The following PPP2R2C variants were observed in gnomAD, a reference collection of about 807,000 sequenced individuals.
The protein encoded by PPP2R2C is protein phosphatase 2, regulatory subunit B, gamma.
PPP2R2C carries 10 observed loss-of-function variants against 45.3 expected under a neutral mutation model. The observed-to-expected ratio is 0.22, with a 90% CI of 0.14 to 0.37. PPP2R2C has a LOEUF of 0.37. Among genes scored for constraint, PPP2R2C ranks in the 10% least tolerant of loss-of-function variants. The pLI is 1.00. For synonymous variants in PPP2R2C, 257 were observed against 245.4 expected (o/e 1.05, Z -0.44); for missense variants, 308 against 619.7 (o/e 0.50, Z 5.34).
At chr4:6,439,888 C>T (rs1479528677) in intron 1 of PPP2R2C, among the ~76,000 whole-genome samples, 2 of 152,202 alleles carry the variant, frequency 1.3e-5, no homozygotes, top group Non-Finnish European at 2.9e-5. Context: ...TCTTGCAACA[C>T]CATTCCTTTT....
intron 1 of PPP2R2C, among the ~76,000 whole-genome samples, chr4:6,450,519 G>A (rs1050140002): frequency 1.3e-5 from 2 of 152,152 alleles, no homozygotes; most frequent in Non-Finnish European, 2.9e-5. Context: ...AGCTCGGGGG[G>A]TTCCAGCCCC....
At chr4:6,543,051 C>T (rs972820869) in intron 1 of PPP2R2C, among the ~76,000 whole-genome samples, 4 of 121,832 alleles carry the variant, frequency 3.3e-5, no homozygotes, top group Admixed American at 7.7e-5. Context: ...CACCCAGACG[C>T]CCCGCAAGGA....
At chr4:6,514,962 C>T (rs1723786297) in intron 2 of PPP2R2C, among the ~76,000 whole-genome samples, 2 of 152,054 alleles carry the variant, frequency 1.3e-5, no homozygotes, top group South Asian at 4.1e-4. Flanking sequence ...CCTGGTATGA[C>T]TGTGTCTCTT....
chr4:6,490,364 C>A (rs1722661461), intron 2 of PPP2R2C, among the ~76,000 whole-genome samples: 1 of 152,238 alleles, frequency 6.6e-6, no homozygotes, highest in Non-Finnish European at 1.5e-5. Flanking sequence ...CATGACACTT[C>A]CTTCATGGAG....
chr4:6,500,788 C>A (rs778085711), intron 2 of PPP2R2C, among the ~76,000 whole-genome samples: 26 of 152,238 alleles, frequency 1.7e-4, no homozygotes, highest in Non-Finnish European at 3.7e-4. Flanking sequence ...TTCAAACACC[C>A]TGAAGCTGGG....
At chr4:6,531,715 G>A (rs552288589) in intron 2 of PPP2R2C, among the ~76,000 whole-genome samples, 1 of 152,226 alleles carries the variant, frequency 6.6e-6, no homozygotes, top group Non-Finnish European at 1.5e-5. Context: ...ATTAGGGGGC[G>A]AAGTTACTGT....
intron 1 of PPP2R2C, among the ~76,000 whole-genome samples, chr4:6,439,284 C>T (rs1210023619): frequency 1.3e-5 from 2 of 152,192 alleles, no homozygotes; most frequent in Non-Finnish European, 2.9e-5. Context: ...TTAGATTTAT[C>T]ATAAATGCAA....
chr4:6,462,570 G>C (rs976549293), intron 1 of PPP2R2C, among the ~76,000 whole-genome samples: 7 of 152,248 alleles, frequency 4.6e-5, no homozygotes, highest in Non-Finnish European at 8.8e-5. Context: ...GAAAAGACAA[G>C]AGACAGAACA....
chr4:6,546,958 G>C (rs1300055183), intron 1 of PPP2R2C, among the ~76,000 whole-genome samples: 1 of 152,200 alleles, frequency 6.6e-6, no homozygotes, highest in Non-Finnish European at 1.5e-5. Flanking sequence ...AAGAGCAACA[G>C]CTAACGGCCC....
chr4:6,329,645 G>A lies in PPP2R2C; in HGVS notation c.961-292C>T, dbSNP rs1043099931. Among the ~76,000 whole-genome samples, 4 of 135,662 alleles carry A rather than the reference G, an allele frequency of 2.9e-5. No homozygotes were observed. The highest frequency in any genetic ancestry group is 2.0e-4 in the East Asian group (1 of 5,078). 89.0% of individuals were successfully genotyped at this position (135,662 alleles called of 152,430 possible). A position where few individuals can be genotyped will look rare whatever the true frequency, so the allele number is the denominator to read the frequency against. On this transcript the variant is annotated intron_variant, in intron 7 of 8. Coordinates refer to ENST00000382599, the MANE Select transcript of PPP2R2C (RefSeq NM_020416.4). This position sits in a 1 kb window ranked among gnomAD's most constrained non-coding sequence, Gnocchi z 5.8. ...ACCAGGCACACGGCTGACCTCCACCGTGACACAGCCCAATACAGCCCTGCT... is the reference window on the plus strand; with the variant it reads ...ACCAGGCACACGGCTGACCTCCACCATGACACAGCCCAATACAGCCCTGCT...
At position 6,508,227 on chromosome 4, in the gene PPP2R2C, C is replaced by T. The variant is rs141581753; in HGVS notation, c.49+27044G>A. 8.9e-4 allele frequency among the ~76,000 whole-genome samples: 136 copies of T among 152,300 alleles called. 1 individual carries two copies. Among genetic ancestry groups the T allele is most frequent in the African/African-American group, 2.9e-3 (122 of 41,564 alleles). On this transcript the variant is annotated intron_variant, in intron 2 of 9. Coordinates refer to the PPP2R2C transcript ENST00000506140. ...AGGTGATGGTCAGGCGGTTATTAAA[C>T]GGTCTCTCTAAAATAATAATTGGTT...
intron 5 of PPP2R2C, chr4:6,349,637 G>A (rs758304237): frequency 4.0e-5 from 38 of 939,418 alleles, no homozygotes; most frequent in Non-Finnish European, 4.6e-5. Context: ...TCAGGAGATC[G>A]AGACCATTCT....
chr4:6,375,959 G>C (rs535466366), intron 3 of PPP2R2C, 28 bp from the exon 4 acceptor site: 1 of 1,571,316 alleles, frequency 6.4e-7, no homozygotes, highest in Non-Finnish European at 8.7e-7. Context: ...AATAAAGCGA[G>C]TCACATAATT....
chr4:6,353,128 C>G (rs891110068), intron 5 of PPP2R2C, among the ~76,000 whole-genome samples: 6 of 152,020 alleles, frequency 3.9e-5, no homozygotes, highest in African/African-American at 1.5e-4. Flanking sequence ...GAGAATATAT[C>G]TGTATTTTGA....
At chr4:6,533,628 T>C (rs1234737263) in intron 2 of PPP2R2C, among the ~76,000 whole-genome samples, 5 of 152,200 alleles carry the variant, frequency 3.3e-5, no homozygotes, top group Non-Finnish European at 7.3e-5. Context: ...AAGTCTGCAG[T>C]TGACATTGCC....
At chr4:6,539,953 C>G (rs1353551315) in intron 1 of PPP2R2C, among the ~76,000 whole-genome samples, 1 of 152,210 alleles carries the variant, frequency 6.6e-6, no homozygotes, top group East Asian at 1.9e-4. Context: ...ACGTGGCCAC[C>G]TGCCCCAGGC....
intron 1 of PPP2R2C, among the ~76,000 whole-genome samples, chr4:6,446,423 A>G (rs1720422099): frequency 6.6e-6 from 1 of 152,138 alleles, no homozygotes; most frequent in African/African-American, 2.4e-5. Flanking sequence ...AGGGGCAGCC[A>G]GGCCACGGGG....
rs10009382 is a variant in PPP2R2C at position 6,530,893 on chromosome 4, T to A, written c.49+4378A>T. ...AGGGTGGTTCTCCACCAGGCTGCTG[T>A]GCACCTGTCACAGTGAGGCCCCAAA... is the stretch of plus-strand genomic sequence containing the variant. On this transcript the variant is annotated intron_variant, in intron 2 of 9. Transcript: ENST00000506140. 7.9e-5 allele frequency among the ~76,000 whole-genome samples: 12 copies of A among 152,294 alleles called. No individual in the cohort carries two copies. The South Asian group carries it at 2.5e-3, about 32-fold the overall frequency.
chr4:6,381,064 T>C lies in PPP2R2C; in HGVS notation c.101A>G (p.His34Arg). Residue 34 changes from histidine (H) to arginine (R), a missense_variant, in exon 2 of 9, where the codon CAC (histidine) becomes CGC (arginine). His to Arg is a conservative substitution (Grantham distance 29, BLOSUM62 0). Coordinates refer to ENST00000382599, the MANE Select transcript of PPP2R2C (RefSeq NM_020416.4). ...ACCTGTGGCCAGCAGCTCTCCCGTG[T>C]GGTTGAACTCAACGGTAGAGATGAT... is the stretch of plus-strand genomic sequence containing the variant. ...ADIISTVEFN[H>R]TGELLATGDK... is the part of the protein sequence containing the mutation. 6.3e-7 allele frequency: 1 copy of C among 1,595,810 alleles called. No individual in the cohort carries two copies.
Sources: allele counts gnomAD v4.1 joint callset (sites outside exome capture counted in the v4.1 genomes callset), GRCh38; gene constraint gnomAD v4.1.1; non-coding constraint Gnocchi (gnomAD v3.1); transcripts MANE v1.5; gene names NCBI Gene and HGNC (gene_info 2026-07-23, HGNC 2026-07-21).